Variants in MAGED1 observed in about 807,000 individuals in gnomAD.
The protein encoded by MAGED1 is melanoma-associated antigen D1.
In MAGED1, 3 loss-of-function variants were observed where a neutral mutation model predicts 54.1. That is an observed-to-expected ratio of 0.06 (90% confidence interval 0.03 to 0.14). MAGED1 has a LOEUF of 0.14. Among genes scored for constraint, MAGED1 ranks in the 10% least tolerant of loss-of-function variants. MAGED1 has a pLI of 1.00. For synonymous variants in MAGED1, 217 were observed against 227.3 expected, an observed-to-expected ratio of 0.95 and a Z score of 0.41; for missense variants, 485 against 623.4, an observed-to-expected ratio of 0.78 and a Z score of 2.36.
intron 1 of MAGED1, among the ~76,000 whole-genome samples, chrX:51,846,694 C>CT (rs1405341505): frequency 9.0e-6 from 1 of 111,201 alleles, no homozygotes; most frequent in Non-Finnish European, 1.9e-5. Flanking sequence ...GAAGGCATGT[C>CT]TTACGTGGCC....
rs782180458 is a variant in MAGED1, at chrX:51,900,221, G to A, written c.1884G>A (p.Pro628=). Residue 628 remains proline, a synonymous_variant, in exon 11 of 13, where the codon CCG becomes CCA. Transcript: ENST00000326587. ...DYRRVPNSNP[P]EYEFLWGLRS... ...GACGAGTGCCCAACAGCAACCCCCC[G>A]GAGTATGAGTTCCTCTGGGGCCTCC... is the stretch of plus-strand genomic sequence containing the variant. 197 of 1,205,627 alleles carry A rather than the reference G, an allele frequency of 1.6e-4. No individual in the cohort carries two copies. In the East Asian group the frequency reaches 3.3e-3, roughly 20 times the overall value.
chrX:51,875,179 A>G (rs1335533416), intron 1 of MAGED1, among the ~76,000 whole-genome samples: 1 of 107,795 alleles, frequency 9.3e-6, no homozygotes, highest in East Asian at 3.0e-4. Context: ...TAATCCTTTC[A>G]GGTGACTCTT....
intron 10 of MAGED1, chrX:51,899,452 G>A (rs1928910219): frequency 9.2e-6 from 1 of 109,226 alleles, no homozygotes; most frequent in African/African-American, 3.3e-5. Context: ...TCTTTTGTTT[G>A]TTTTTTTCGA....
chrX:51,895,155 A>G lies in MAGED1; in HGVS notation c.148A>G (p.Ser50Gly), dbSNP rs782253302. 4 of 1,210,289 alleles carry G rather than the reference A, an allele frequency of 3.3e-6. No individual in the cohort carries two copies. The African/African-American group carries it at 5.2e-5, about 16-fold the overall frequency. Residue 50 changes from serine (S) to glycine (G), a missense_variant, in exon 3 of 13, where the codon AGT becomes GGT. Around this residue, in one of 2 missense-constraint regions of MAGED1, gnomAD observed 299 missense variants for 293.1 expected, o/e 1.02. Coordinates refer to ENST00000326587, the MANE Select transcript of MAGED1 (RefSeq NM_006986.4). The part of the protein sequence containing the change: ...PPTNQATAAA[S>G]PQSSQPPTAN... ...TACTAACCAGGCCACCGCAGCTGCT[A>G]GTCCCCAGAGTTCACAGCCCCCAAC... is the stretch of plus-strand genomic sequence containing the variant.
chrX:51,824,253 C>A lies in MAGED1; in HGVS notation c.-37+21136C>A, dbSNP rs1174720650. Among the ~76,000 whole-genome samples the A allele has an allele frequency of 6.3e-5, 7 of 110,958 alleles. 1 individual carries two copies. The Admixed American group carries it at 6.7e-4, about 11-fold the overall frequency. On this transcript the variant is annotated intron_variant, in intron 1 of 12. Coordinates refer to the MAGED1 transcript ENST00000375772. ...TGTTTATCTGATAATGTCCCATTTT[C>A]TCCTTCACTTTTGAAGGATAGTTTT...
Position 51,898,646 on chromosome X carries a change from A to G in MAGED1, c.1844+3A>G, listed in dbSNP as rs986295755. On this transcript the variant is annotated splice_donor_region_variant and intron_variant, in intron 10 of 12. Coordinates refer to ENST00000326587, the MANE Select transcript of MAGED1 (RefSeq NM_006986.4). The stretch of plus-strand genomic sequence containing the variant: ...ACCTATGAGTTTGTAAAGCAGAAGT[A>G]AGTGATGCCTAAGGGGCTTTTCCTG... 8 of 1,200,536 alleles carry G rather than the reference A, an allele frequency of 6.7e-6. No homozygotes were observed. In the African/African-American group the frequency reaches 1.1e-4, roughly 16 times the overall value.
upstream of MAGED1, among the ~76,000 whole-genome samples, chrX:51,892,019 T>C (rs782294566): frequency 8.9e-6 from 1 of 112,320 alleles, no homozygotes; most frequent in African/African-American, 3.2e-5. Context: ...TGTTGGCCCT[T>C]GGGGACCAAA....
At chrX:51,813,788 G>T (rs1160746286) in intron 1 of MAGED1, among the ~76,000 whole-genome samples, 4 of 111,551 alleles carry the variant, frequency 3.6e-5, no homozygotes, top group African/African-American at 1.3e-4. Flanking sequence ...TCACTAATTG[G>T]TTCTGATGGC....
chrX:51,803,088 C>T (rs1924906518), exon 1 of MAGED1: 1 of 111,508 alleles, frequency 9.0e-6, no homozygotes, highest in Non-Finnish European at 1.9e-5. Flanking sequence ...CACTTCCGGT[C>T]ACGCCATCGT....
intron 1 of MAGED1, among the ~76,000 whole-genome samples, chrX:51,853,943 G>A (rs1926986064): frequency 8.9e-6 from 1 of 112,091 alleles, no homozygotes; most frequent in African/African-American, 3.2e-5. Flanking sequence ...CTTGCTCAAG[G>A]TCACATAGCA....
chrX:51,845,146 C>T (rs985701499), intron 1 of MAGED1, among the ~76,000 whole-genome samples: 12 of 111,080 alleles, frequency 1.1e-4, no homozygotes, highest in African/African-American at 3.9e-4. Context: ...GCAGGAGAAT[C>T]GCTTGAACGC....
rs1171304280 is a variant in MAGED1, at chrX:51,884,062, GAA to G, written c.-36-10206_-36-10205del. 3.6e-5 allele frequency among the ~76,000 whole-genome samples: 4 copies of G among 111,424 alleles called. No individual in the cohort carries two copies. In the East Asian group the frequency reaches 1.1e-3, roughly 31 times the overall value. On this transcript the variant is annotated intron_variant, in intron 1 of 12. Coordinates refer to the MAGED1 transcript ENST00000375772. The stretch of plus-strand genomic sequence containing the variant: ...TTAAATATGTGTCATTGTAATCACA[GAA>G]GAGAGAGAGAAGAGGTACTGAAAAA...
intron 1 of MAGED1, among the ~76,000 whole-genome samples, chrX:51,865,439 T>C (rs1321505019): frequency 8.9e-6 from 1 of 111,924 alleles, no homozygotes; most frequent in African/African-American, 3.2e-5. Flanking sequence ...TGTCTGGAAT[T>C]CAGGTAGCCC....
rs372808969 is a variant in MAGED1, at chrX:51,894,258, C to T, written c.-36-11C>T. On this transcript the variant is annotated splice_polypyrimidine_tract_variant and intron_variant, in intron 1 of 12. Coordinates refer to ENST00000326587, the MANE Select transcript of MAGED1 (RefSeq NM_006986.4). ...CCCTCTGTAGTATAACGCCCTGCCCCTCTCCCACAGCCCCCAGGCTCCGCT... is the reference window on the plus strand; with the variant it reads ...CCCTCTGTAGTATAACGCCCTGCCCTTCTCCCACAGCCCCCAGGCTCCGCT... 77 of 1,109,886 alleles carry T rather than the reference C, an allele frequency of 6.9e-5. No homozygotes were observed. Among genetic ancestry groups the T allele is most frequent in the Non-Finnish European group, 9.1e-5 (74 of 817,387 alleles). The allele number at this position is 1,109,886 out of a possible 1,213,427, so 91.5% of individuals were successfully genotyped here.
chrX:51,845,862 A>G (rs1926669438), intron 1 of MAGED1, among the ~76,000 whole-genome samples: 1 of 110,949 alleles, frequency 9.0e-6, no homozygotes, highest in Admixed American at 9.6e-5. Context: ...TGCAGCCTCT[A>G]TCTCCCAAGT....
At position 51,896,831 on chromosome X, in the gene MAGED1, G is replaced by T; in HGVS notation, c.1176G>T (p.Trp392Cys). The T allele has an allele frequency of 8.3e-7, 1 of 1,204,330 alleles. No individual in the cohort carries two copies. Among genetic ancestry groups the T allele is most frequent in the Non-Finnish European group, 1.1e-6 (1 of 891,574 alleles). ...TPPGWQTPPGWQGPPDWQGPP... is the reference protein window; with the variant it reads ...TPPGWQTPPGCQGPPDWQGPP... ...CTGGATGGCAGACCCCACCGGGCTG[G>T]CAGGGTCCTCCAGACTGGCAAGGTC... Residue 392 changes from tryptophan (W) to cysteine (C), a missense_variant, in exon 4 of 13, where the codon TGG becomes TGT. Transcript: ENST00000326587.
In MAGED1 at chrX:51,901,542, C is replaced by T; in HGVS notation, c.1960-11C>T. 1 of 1,140,569 alleles carries T rather than the reference C, an allele frequency of 8.8e-7. No homozygotes were observed. 94.0% of individuals were successfully genotyped at this position (1,140,569 alleles called of 1,213,427 possible). A position where few individuals can be genotyped will look rare whatever the true frequency, so the allele number is the denominator to read the frequency against. ...AATGGATTTTGTTTTGTTTTCTATTCCTCATCTCAGGTTCAGAAAAGAGAC... is the reference window on the plus strand; with the variant it reads ...AATGGATTTTGTTTTGTTTTCTATTTCTCATCTCAGGTTCAGAAAAGAGAC... On this transcript the variant is annotated splice_polypyrimidine_tract_variant and intron_variant, in intron 11 of 12. Coordinates refer to ENST00000326587, the MANE Select transcript of MAGED1 (RefSeq NM_006986.4).
At chrX:51,817,964 C>G (rs1406554240) in intron 1 of MAGED1, among the ~76,000 whole-genome samples, 1 of 112,102 alleles carries the variant, frequency 8.9e-6, no homozygotes, top group Admixed American at 9.4e-5. Context: ...TACGCTATTT[C>G]TTACAAATCA....
intron 1 of MAGED1, among the ~76,000 whole-genome samples, chrX:51,825,112 A>G (rs1320214354): frequency 3.6e-5 from 4 of 110,284 alleles, no homozygotes; most frequent in Non-Finnish European, 7.6e-5. Flanking sequence ...TTATTGGGAG[A>G]TGTGTTGACA....
Sources: gnomAD v4.1 joint callset for allele counts (sites outside exome capture counted in the v4.1 genomes callset) on GRCh38, gnomAD v4.1.1 for gene constraint, gnomAD v4.1.1 regional missense constraint, MANE v1.5 for transcripts, NCBI Gene and HGNC (gene_info 2026-07-23, HGNC 2026-07-21) for gene names.